Variants in THEM4 observed in about 807,000 individuals in gnomAD.
The protein encoded by THEM4 is acyl-coenzyme A thioesterase THEM4.
A neutral mutation model predicts 25.0 loss-of-function variants in THEM4; 22 were observed. The observed-to-expected ratio is 0.88, with a 90% CI of 0.63 to 1.26. The LOEUF is 1.26. Among genes scored for constraint, THEM4 ranks in the 50% most tolerant of loss-of-function variants. The probability of loss-of-function intolerance (pLI) is 0.00; values close to 1 mark genes in which losing one functional copy is unlikely to be tolerated. For synonymous variants in THEM4, 113 were observed against 105.6 expected (o/e 1.07, Z -0.43); for missense variants, 286 against 300.3 (o/e 0.95, Z 0.35).
At chr1:151,895,988 C>CTTT (rs1176553580) in intron 1 of THEM4, among the ~76,000 whole-genome samples, 8 of 119,198 alleles carry the variant, frequency 6.7e-5, no homozygotes, top group East Asian at 2.4e-4. Context: ...TTCTTGCTTC[C>CTTT]TTTTTTTTTT....
At chr1:151,882,097 G>A (rs1653833610) in intron 4 of THEM4, among the ~76,000 whole-genome samples, 1 of 151,896 alleles carries the variant, frequency 6.6e-6, no homozygotes. Context: ...CTTCATTTAG[G>A]CCGGGCATGG....
intron 1 of THEM4, among the ~76,000 whole-genome samples, chr1:151,901,966 C>T (rs1654362667): frequency 6.6e-6 from 1 of 152,146 alleles, no homozygotes; most frequent in Admixed American, 6.5e-5. Flanking sequence ...AATGACACAG[C>T]CTATCAAAAC....
chr1:151,888,631 GCAAA>G (rs1284443070), intron 3 of THEM4, among the ~76,000 whole-genome samples: 2 of 152,130 alleles, frequency 1.3e-5, no homozygotes, highest in African/African-American at 2.4e-5. Flanking sequence ...TCGCAAGCAA[GCAAA>G]AAGCTAAAAT....
rs796562991 is a variant in THEM4, at chr1:151,884,678, CTTTTTTTTGTT to C, written c.557+3584_557+3594del. Among the ~76,000 whole-genome samples the C allele has an allele frequency of 5.6e-3, 538 of 95,614 alleles. 2 individuals carry two copies. The highest frequency in any genetic ancestry group is 0.016 in the African/African-American group (419 of 26,058). The allele number at this position is 95,614 out of a possible 152,430, so 62.7% of individuals were successfully genotyped here. On this transcript the variant is annotated intron_variant, in intron 4 of 5. Coordinates refer to ENST00000368814, the MANE Select transcript of THEM4 (RefSeq NM_053055.5). ...TTTTAAACAATTACACTTTCATTTCCTTTTTTTTGTTTTTTTTTTGTTTTTTTTGAGATGGA... is the reference window on the plus strand; with the variant it reads ...TTTTAAACAATTACACTTTCATTTCCTTTTTTTTGTTTTTTTTGAGATGGA...
rs531786923 is a variant in THEM4 at position 151,907,841 on chromosome 1, G to C, written c.99+1519C>G. Among the ~76,000 whole-genome samples the C allele has an allele frequency of 2.0e-5, 3 of 152,340 alleles. No individual in the cohort carries two copies. The East Asian group carries it at 5.8e-4, about 29-fold the overall frequency. ...ACTCACAAGACAGTTGGGTGGGGTA[G>C]CTCCCTGGCCCCACTTCTTTACTGG... is the stretch of plus-strand genomic sequence containing the variant. On this transcript the variant is annotated intron_variant, in intron 1 of 5. Transcript: ENST00000368814.
intron 2 of THEM4, among the ~76,000 whole-genome samples, chr1:151,892,032 T>C (rs1338886299): frequency 6.6e-6 from 1 of 152,062 alleles, no homozygotes; most frequent in Admixed American, 6.5e-5. Flanking sequence ...TCAAGTGATC[T>C]GCCACTTTGG....
intron 1 of THEM4, among the ~76,000 whole-genome samples, chr1:151,902,405 C>G (rs1317754478): frequency 6.6e-6 from 1 of 151,948 alleles, no homozygotes; most frequent in African/African-American, 2.4e-5. Context: ...GAATGGAAAA[C>G]CAAACATTGT....
At position 151,871,915 on chromosome 1, in the gene THEM4, A is replaced by G. The variant is rs907129280; in HGVS notation, c.*2973T>C. Among the ~76,000 whole-genome samples the G allele has an allele frequency of 2.6e-5, 4 of 152,296 alleles. No individual in the cohort carries two copies. Among genetic ancestry groups the G allele is most frequent in the Middle Eastern group, 3.4e-3 (1 of 294 alleles). ...CTAGTTAAGTGAAACTAGCTAAATG[A>G]GCAGCGCTGGCTTATTCCTTCGGAG... On this transcript the variant is annotated 3_prime_UTR_variant, in exon 6 of 6. Coordinates refer to ENST00000368814, the MANE Select transcript of THEM4 (RefSeq NM_053055.5).
chr1:151,907,194 A>T (rs972427311), intron 1 of THEM4, among the ~76,000 whole-genome samples: 2 of 152,124 alleles, frequency 1.3e-5, no homozygotes, highest in Non-Finnish European at 2.9e-5. Context: ...CTCACCACGA[A>T]GGTCCGCAAT....
intron 4 of THEM4, among the ~76,000 whole-genome samples, chr1:151,885,787 T>C (rs769585369): frequency 6.6e-6 from 1 of 152,360 alleles, no homozygotes; most frequent in Non-Finnish European, 1.5e-5. Flanking sequence ...TCAAGTGGGA[T>C]ATTTGGATCA....
In THEM4 at chr1:151,906,199, G is replaced by T. The variant is rs1042177669; in HGVS notation, c.99+3161C>A. ...TTGTGGACCAGCTGGAGTTCCAGGT[G>T]GGTGTGGGCTTGGCGGGCCCTGCAC... On this transcript the variant is annotated intron_variant, in intron 1 of 5. Transcript: ENST00000368814. 3.3e-5 allele frequency among the ~76,000 whole-genome samples: 5 copies of T among 152,374 alleles called. No individual in the cohort carries two copies. The South Asian group carries it at 6.2e-4, about 19-fold the overall frequency.
At chr1:151,876,909 C>T in intron 5 of THEM4, 92 bp downstream of exon 5, 1 of 1,488,252 alleles carries the variant, frequency 6.7e-7, no homozygotes, top group Non-Finnish European at 9.0e-7. Flanking sequence ...CCCTGACCCC[C>T]ACAAAACCCA....
chr1:151,884,330 T>C (rs540091825), intron 4 of THEM4, among the ~76,000 whole-genome samples: 1 of 152,356 alleles, frequency 6.6e-6, no homozygotes, highest in African/African-American at 2.4e-5. Flanking sequence ...TTTTAAATTC[T>C]TGCAGTGGAG....
At chr1:151,885,352 C>G (rs531330869) in intron 4 of THEM4, among the ~76,000 whole-genome samples, 1 of 152,228 alleles carries the variant, frequency 6.6e-6, no homozygotes, top group East Asian at 1.9e-4. Flanking sequence ...CTCCTGACCT[C>G]AGGTGATCCA....
chr1:151,884,954 T>G (rs1450691090), intron 4 of THEM4, among the ~76,000 whole-genome samples: 2 of 152,122 alleles, frequency 1.3e-5, no homozygotes, highest in Non-Finnish European at 2.9e-5. Context: ...CCCAAAATGT[T>G]GGGATTACAG....
intron 1 of THEM4, among the ~76,000 whole-genome samples, chr1:151,902,468 A>G (rs1269398139): frequency 1.3e-5 from 2 of 152,096 alleles, no homozygotes; most frequent in Non-Finnish European, 2.9e-5. Context: ...AGGCATAAGA[A>G]TGATACAATG....
intron 1 of THEM4, among the ~76,000 whole-genome samples, chr1:151,906,413 C>A (rs1246813120): frequency 6.6e-6 from 1 of 152,268 alleles, no homozygotes; most frequent in African/African-American, 2.4e-5. Context: ...ATGCCTGAGC[C>A]TCCCACGCCC....
At chr1:151,892,061 C>G (rs557300793) in intron 2 of THEM4, among the ~76,000 whole-genome samples, 1 of 152,230 alleles carries the variant, frequency 6.6e-6, no homozygotes, top group East Asian at 1.9e-4. Flanking sequence ...AGTGTTGAGC[C>G]ACTGTGCCCA....
intron 1 of THEM4, among the ~76,000 whole-genome samples, chr1:151,904,344 A>G (rs1329896738): frequency 6.6e-6 from 1 of 152,236 alleles, no homozygotes; most frequent in East Asian, 1.9e-4. Flanking sequence ...GGACAAAAAT[A>G]TATGTATTTT....
Sources: gnomAD v4.1 joint callset for allele counts (sites outside exome capture counted in the v4.1 genomes callset) on GRCh38, gnomAD v4.1.1 for gene constraint, MANE v1.5 for transcripts, NCBI Gene and HGNC (gene_info 2026-07-23, HGNC 2026-07-21) for gene names.